CRPPA: variants seen among roughly 807,000 people sequenced by gnomAD.
CRPPA encodes the protein D-ribitol-5-phosphate cytidylyltransferase.
Under a neutral mutation model 52.0 loss-of-function variants are expected in CRPPA, and 43 were observed. The observed-to-expected ratio is 0.83, with a 90% CI of 0.65 to 1.07. The LOEUF is 1.07. Among genes scored for constraint, CRPPA ranks in the 50% least tolerant of loss-of-function variants. CRPPA has a pLI of 0.00. For synonymous variants in CRPPA, 250 were observed against 203.5 expected (o/e 1.23, Z -1.94); for missense variants, 629 against 551.7 (o/e 1.14, Z -1.40).
At position 16,419,497 on chromosome 7, in the gene CRPPA, A is replaced by C. The variant is rs182807705; in HGVS notation, c.257+1569T>G. ...CAGTCTGCCTTCACAGGACTAACAAATTAGCTACAAGATTAGAAATTACAG... is the reference window on the plus strand; with the variant it reads ...CAGTCTGCCTTCACAGGACTAACAACTTAGCTACAAGATTAGAAATTACAG... On this transcript the variant is annotated intron_variant, in intron 1 of 9. Coordinates refer to ENST00000407010, the MANE Select transcript of CRPPA (RefSeq NM_001101426.4). Among the ~76,000 whole-genome samples, 22 of 151,758 alleles carry C rather than the reference A, an allele frequency of 1.4e-4. No homozygotes were observed. In the East Asian group the frequency reaches 4.3e-3, roughly 29 times the overall value.
chr7:16,258,306 T>C (rs1783698603), intron 8 of CRPPA, 84 bp downstream of exon 8: 5 of 814,368 alleles, frequency 6.1e-6, no homozygotes, highest in South Asian at 1.8e-5. Flanking sequence ...ATGCTCTCAA[T>C]TGGATGAGTT....
intron 4 of CRPPA, among the ~76,000 whole-genome samples, chr7:16,306,902 T>G (rs1036297771): frequency 6.6e-6 from 1 of 152,156 alleles, no homozygotes; most frequent in Non-Finnish European, 1.5e-5. Context: ...TAAAATTTCT[T>G]TACCGCATAA....
intron 9 of CRPPA, among the ~76,000 whole-genome samples, chr7:16,178,720 C>A (rs1422922093): frequency 6.6e-6 from 1 of 151,980 alleles, no homozygotes; most frequent in Non-Finnish European, 1.5e-5. Flanking sequence ...TACATAAAAA[C>A]ATTCAATGAA....
intron 9 of CRPPA, among the ~76,000 whole-genome samples, chr7:16,131,398 T>G (rs1251118120): frequency 6.6e-6 from 1 of 152,156 alleles, no homozygotes; most frequent in African/African-American, 2.4e-5. Flanking sequence ...AAGTCTGAGA[T>G]AGAAATTAGA....
chr7:16,397,690 A>T (rs1787642407), intron 2 of CRPPA, among the ~76,000 whole-genome samples: 1 of 152,220 alleles, frequency 6.6e-6, no homozygotes, highest in South Asian at 2.1e-4. Context: ...CACGTGACTG[A>T]CACGTGATAC....
intron 3 of CRPPA, among the ~76,000 whole-genome samples, chr7:16,320,972 C>A (rs1217171668): frequency 2.6e-5 from 4 of 152,058 alleles, no homozygotes; most frequent in Admixed American, 2.6e-4. Flanking sequence ...AAGATTTCTT[C>A]TTTGAGTAAA....
chr7:16,341,908 A>G (rs1785852834), intron 3 of CRPPA, among the ~76,000 whole-genome samples: 1 of 151,792 alleles, frequency 6.6e-6, no homozygotes, highest in Non-Finnish European at 1.5e-5. Flanking sequence ...TCTGTATTCT[A>G]TTTCTTTCTC....
chr7:16,145,572 C>T (rs549397510), intron 9 of CRPPA, among the ~76,000 whole-genome samples: 4 of 149,280 alleles, frequency 2.7e-5, no homozygotes, highest in Middle Eastern at 3.5e-3. Context: ...TGTGGATAAA[C>T]AACTTAATAA....
chr7:16,247,239 C>T (rs1783301010), intron 8 of CRPPA, among the ~76,000 whole-genome samples: 1 of 152,218 alleles, frequency 6.6e-6, no homozygotes, highest in Non-Finnish European at 1.5e-5. Flanking sequence ...GCAGCCTTCA[C>T]AGAATTGAAG....
intron 9 of CRPPA, among the ~76,000 whole-genome samples, chr7:16,206,459 G>C (rs1781975653): frequency 6.6e-6 from 1 of 151,980 alleles, no homozygotes; most frequent in Non-Finnish European, 1.5e-5. Context: ...TTAGTTTCTT[G>C]TGTTTCTGAA....
At chr7:16,363,995 A>C (rs1786523575) in intron 3 of CRPPA, among the ~76,000 whole-genome samples, 1 of 152,194 alleles carries the variant, frequency 6.6e-6, no homozygotes, top group Admixed American at 6.5e-5. Context: ...ATAAAGTAAA[A>C]AATCCTTCAA....
intron 2 of CRPPA, among the ~76,000 whole-genome samples, chr7:16,402,769 G>C (rs538903231): frequency 6.6e-6 from 1 of 151,798 alleles, no homozygotes; most frequent in Non-Finnish European, 1.5e-5. Flanking sequence ...CAATATGAAA[G>C]AGAACTTAGG....
intron 9 of CRPPA, among the ~76,000 whole-genome samples, chr7:16,154,514 C>A (rs1783136926): frequency 6.6e-6 from 1 of 152,050 alleles, no homozygotes; most frequent in Non-Finnish European, 1.5e-5. Context: ...AAGAGTATAT[C>A]ATATATACTC....
At position 16,278,190 on chromosome 7, in the gene CRPPA, G is replaced by C; in HGVS notation, c.872C>G (p.Thr291Arg). The stretch of plus-strand genomic sequence containing the variant: ...ACCTACATGTTTGTTATCTTCTTCT[G>C]TATCCATAACTACACAAATCTCTTG... The part of the protein sequence containing the change: ...ISQEICVVMD[T>R]EEDNKHVGHL... The change falls in exon 6 of 10, where the codon ACA becomes AGA. Residue 291 changes from threonine (T) to arginine (R), a missense_variant. Coordinates refer to ENST00000407010, the MANE Select transcript of CRPPA (RefSeq NM_001101426.4). The C allele has an allele frequency of 1.3e-6, 2 of 1,579,378 alleles. No homozygotes were observed. The highest frequency in any genetic ancestry group is 1.7e-6 in the Non-Finnish European group (2 of 1,156,918).
intron 5 of CRPPA, among the ~76,000 whole-genome samples, chr7:16,280,678 T>C (rs911497263): frequency 2.6e-5 from 4 of 152,176 alleles, no homozygotes; most frequent in Non-Finnish European, 1.5e-5. Flanking sequence ...AAAACTGATA[T>C]ATTACTACCA....
At chr7:16,369,280 A>G (rs1786687362) in intron 3 of CRPPA, among the ~76,000 whole-genome samples, 1 of 152,236 alleles carries the variant, frequency 6.6e-6, no homozygotes, top group African/African-American at 2.4e-5. Context: ...CAGGGGGTAC[A>G]TGACAGGGGC....
At chr7:16,261,337 A>G (rs1276327412) in intron 6 of CRPPA, among the ~76,000 whole-genome samples, 1 of 152,140 alleles carries the variant, frequency 6.6e-6, no homozygotes, top group Non-Finnish European at 1.5e-5. Flanking sequence ...TTTGTAAGTC[A>G]GTATTCACTG....
intron 5 of CRPPA, among the ~76,000 whole-genome samples, chr7:16,287,692 C>T (rs933126693): frequency 5.9e-5 from 9 of 151,946 alleles, no homozygotes; most frequent in African/African-American, 1.2e-4. Context: ...AAGGCCAAAG[C>T]GAATGGATTG....
At chr7:16,229,769 G>A (rs938559583) in intron 8 of CRPPA, among the ~76,000 whole-genome samples, 2 of 151,902 alleles carry the variant, frequency 1.3e-5, no homozygotes, top group African/African-American at 4.8e-5. Flanking sequence ...CATTAGTGTT[G>A]TGCTTTTTTT....
Sources: gnomAD v4.1 joint callset for allele counts (sites outside exome capture counted in the v4.1 genomes callset) on GRCh38, gnomAD v4.1.1 for gene constraint, MANE v1.5 for transcripts, NCBI Gene and HGNC (gene_info 2026-07-23, HGNC 2026-07-21) for gene names.